SYCP2L: variants seen among roughly 807,000 people sequenced by gnomAD.
The protein encoded by SYCP2L is synaptonemal complex protein 2-like.
In SYCP2L, 98 loss-of-function variants were observed where a neutral mutation model predicts 125.8. That is an observed-to-expected ratio of 0.78 (90% CI 0.66 to 0.92). The LOEUF is 0.92. Among genes scored for constraint, SYCP2L ranks in the 40% least tolerant of loss-of-function variants. SYCP2L has a pLI of 0.00. For synonymous variants in SYCP2L, 317 were observed against 325.4 expected (o/e 0.97, Z 0.28); for missense variants, 842 against 936.4 (o/e 0.90, Z 1.32).
chr6:10,944,659 C>G (rs1781277945), intron 23 of SYCP2L, among the ~76,000 whole-genome samples: 1 of 151,942 alleles, frequency 6.6e-6, no homozygotes, highest in African/African-American at 2.4e-5. Context: ...TTAGGTGAAT[C>G]CCACACATTA....
Position 10,969,664 on chromosome 6 carries a change from G to A in SYCP2L, c.*38-4288G>A, listed in dbSNP as rs544114500. Among the ~76,000 whole-genome samples the A allele has an allele frequency of 9.2e-5, 14 of 151,900 alleles. No individual in the cohort carries two copies. The South Asian group carries it at 1.9e-3, about 20-fold the overall frequency. ...CAGGTGTGAGCCACCGCGCCTGGCCGGAAATTATCTTAAAGATGAAATTGG... is the reference window on the plus strand; with the variant it reads ...CAGGTGTGAGCCACCGCGCCTGGCCAGAAATTATCTTAAAGATGAAATTGG... On this transcript the variant is annotated intron_variant, in intron 29 of 29. Transcript: ENST00000283141.
At chr6:10,906,751 C>T (rs1238757109) in intron 9 of SYCP2L, among the ~76,000 whole-genome samples, 2 of 151,850 alleles carry the variant, frequency 1.3e-5, no homozygotes, top group African/African-American at 4.8e-5. Context: ...GCACGCACCG[C>T]CACACCTGGC....
intron 14 of SYCP2L, among the ~76,000 whole-genome samples, chr6:10,922,402 C>G (rs946101943): frequency 6.6e-6 from 1 of 151,602 alleles, no homozygotes; most frequent in African/African-American, 2.4e-5. Context: ...ATGTAGCCCT[C>G]ATGGTATTTC....
intron 5 of SYCP2L, 33 bp from the exon 6 acceptor site, chr6:10,898,791 A>G (rs1780328638): frequency 1.5e-6 from 2 of 1,308,452 alleles, no homozygotes; most frequent in Non-Finnish European, 2.2e-6. Flanking sequence ...TTTTAAAATA[A>G]TATGAGCTTT....
At position 10,964,665 on chromosome 6, in the gene SYCP2L, C is replaced by T. The variant is rs114851128; in HGVS notation, c.*37+822C>T. On this transcript the variant is annotated intron_variant, in intron 29 of 29. Coordinates refer to ENST00000283141, the MANE Select transcript of SYCP2L (RefSeq NM_001040274.3). ...GCCTGTTCAGTGGTTAATACACAAA[C>T]GTGTTTAATGGAGGCAACCCATTAA... is the stretch of plus-strand genomic sequence containing the variant. Among the ~76,000 whole-genome samples the T allele has an allele frequency of 7.8e-3, 1,191 of 152,082 alleles. 19 individuals are homozygous for T. Among genetic ancestry groups the T allele is most frequent in the African/African-American group, 0.027 (1,107 of 41,484 alleles).
chr6:10,953,371 C>T (rs780490283), intron 23 of SYCP2L, among the ~76,000 whole-genome samples: 3 of 152,052 alleles, frequency 2.0e-5, no homozygotes, highest in Non-Finnish European at 2.9e-5. Context: ...CTTTTCCTTA[C>T]TTCCTGTTCT....
At chr6:10,929,196 CG>C (rs1780948547) in intron 18 of SYCP2L, among the ~76,000 whole-genome samples, 1 of 152,130 alleles carries the variant, frequency 6.6e-6, no homozygotes, top group African/African-American at 2.4e-5. Flanking sequence ...TGGCCGCACC[CG>C]GCTGTGTATT....
In SYCP2L at chr6:10,951,197, G is replaced by C. The variant is rs192098142; in HGVS notation, c.1955-3919G>C. ...CCAGAACTTTGGGAGGCCAAGGCAG[G>C]AAGATTGCTTGAGCTTAGGAGTTCA... On this transcript the variant is annotated intron_variant, in intron 23 of 29. Coordinates refer to ENST00000283141, the MANE Select transcript of SYCP2L (RefSeq NM_001040274.3). Among the ~76,000 whole-genome samples, 400 of 152,122 alleles carry C rather than the reference G, an allele frequency of 2.6e-3. 1 individual carries two copies. The highest frequency in any genetic ancestry group is 9.1e-3 in the African/African-American group (378 of 41,514).
At chr6:10,916,779 C>T (rs1780701908) in intron 14 of SYCP2L, among the ~76,000 whole-genome samples, 1 of 152,154 alleles carries the variant, frequency 6.6e-6, no homozygotes, top group African/African-American at 2.4e-5. Flanking sequence ...CACCTGAGGT[C>T]AGGAGTTCAA....
chr6:10,969,785 T>C (rs1419368152), intron 29 of SYCP2L, among the ~76,000 whole-genome samples: 3 of 152,176 alleles, frequency 2.0e-5, no homozygotes, highest in African/African-American at 7.2e-5. Flanking sequence ...AATACAGTCA[T>C]ATGATATGCC....
At chr6:10,947,855 TA>T (rs1781343077) in intron 23 of SYCP2L, among the ~76,000 whole-genome samples, 1 of 152,132 alleles carries the variant, frequency 6.6e-6, no homozygotes, top group African/African-American at 2.4e-5. Context: ...GTTTCTCTGT[TA>T]AGTAAAATGT....
At chr6:10,970,299 T>G (rs2113435294) in intron 29 of SYCP2L, among the ~76,000 whole-genome samples, 1 of 152,110 alleles carries the variant, frequency 6.6e-6, no homozygotes, top group South Asian at 2.1e-4. Flanking sequence ...TTCTAAGAAT[T>G]TAGGGAAGGC....
At position 10,903,359 on chromosome 6, in the gene SYCP2L, T is replaced by G. The variant is rs910387277; in HGVS notation, c.641+396T>G. Among the ~76,000 whole-genome samples, 8 of 152,138 alleles carry G rather than the reference T, an allele frequency of 5.3e-5. No homozygotes were observed. In the South Asian group the frequency reaches 1.0e-3, roughly 20 times the overall value. ...GTCAGGAGATCGAGACCATCCTGGC[T>G]AACACAGTGAAACCCTGTCTCCACT... On this transcript the variant is annotated intron_variant, in intron 8 of 29. Coordinates refer to ENST00000283141, the MANE Select transcript of SYCP2L (RefSeq NM_001040274.3).
Position 10,942,674 on chromosome 6 carries a change from A to G in SYCP2L, c.1885-3A>G. Reference sequence around the variant, plus strand: ...GTAATTTGTGGTCTGTTTTGTTTTTAAGATTGTGAACCAAGAATCACTAAC... The same window carrying G: ...GTAATTTGTGGTCTGTTTTGTTTTTGAGATTGTGAACCAAGAATCACTAAC... On this transcript the variant is annotated splice_region_variant and splice_polypyrimidine_tract_variant and intron_variant, in intron 22 of 29. Coordinates refer to ENST00000283141, the MANE Select transcript of SYCP2L (RefSeq NM_001040274.3). 6.2e-7 allele frequency: 1 copy of G among 1,613,474 alleles called. No homozygotes were observed. Among genetic ancestry groups the G allele is most frequent in the Non-Finnish European group, 8.5e-7 (1 of 1,179,774 alleles).
At chr6:10,939,923 G>A (rs1781183421) in intron 21 of SYCP2L, among the ~76,000 whole-genome samples, 2 of 151,160 alleles carry the variant, frequency 1.3e-5, no homozygotes, top group African/African-American at 4.9e-5. Flanking sequence ...AAGAATGGGA[G>A]AAAATATTGC....
At position 10,920,320 on chromosome 6, in the gene SYCP2L, C is replaced by T. The variant is rs193271609; in HGVS notation, c.1073-4176C>T. On this transcript the variant is annotated intron_variant, in intron 14 of 29. Transcript: ENST00000283141. ...GCAACCTCTGCCTCCTGTGTTCAAA[C>T]GATTCTCCTGCCTCAGCCTCCTGAG... Among the ~76,000 whole-genome samples, 37 of 152,260 alleles carry T rather than the reference C, an allele frequency of 2.4e-4. No homozygotes were observed. The East Asian group carries it at 5.2e-3, about 21-fold the overall frequency.
At chr6:10,936,171 A>T (rs1781091165) in intron 21 of SYCP2L, among the ~76,000 whole-genome samples, 3 of 152,136 alleles carry the variant, frequency 2.0e-5, no homozygotes. Context: ...AAGTAGGGAA[A>T]ATCAAAAAGT....
chr6:10,948,985 C>G (rs1179700554), intron 23 of SYCP2L, among the ~76,000 whole-genome samples: 1 of 152,004 alleles, frequency 6.6e-6, no homozygotes, highest in African/African-American at 2.4e-5. Flanking sequence ...TAATTTTAAT[C>G]ATTGTAGTTG....
chr6:10,894,274 G>A (rs376278284), intron 4 of SYCP2L, 70 bp downstream of exon 4: 1 of 1,534,292 alleles, frequency 6.5e-7, no homozygotes, highest in Non-Finnish European at 8.8e-7. Context: ...TAGTTGTCTA[G>A]TTAAGTTTGG....
Sources: allele counts gnomAD v4.1 joint callset (sites outside exome capture counted in the v4.1 genomes callset), GRCh38; gene constraint gnomAD v4.1.1; transcripts MANE v1.5; gene names NCBI Gene and HGNC (gene_info 2026-07-23, HGNC 2026-07-21).